PIK3C2A: variants seen among roughly 807,000 people sequenced by gnomAD.
The protein encoded by PIK3C2A is phosphatidylinositol 4-phosphate 3-kinase C2 domain-containing subunit alpha.
Under a neutral mutation model 204.5 loss-of-function variants are expected in PIK3C2A, and 97 were observed. The ratio of observed to expected loss-of-function variants is 0.47; its 90% confidence interval spans 0.40 to 0.56. The LOEUF (loss-of-function observed/expected upper bound fraction) is 0.56. Among genes scored for constraint, PIK3C2A ranks in the 20% least tolerant of loss-of-function variants. The pLI is 0.00. For synonymous variants in PIK3C2A, 653 were observed against 664.4 expected (o/e 0.98, Z 0.26); for missense variants, 1,735 against 1,969.2 (o/e 0.88, Z 2.25).
intron 5 of PIK3C2A, chr11:17,148,372 T>G: frequency 3.6e-6 from 1 of 280,362 alleles, no homozygotes; most frequent in Non-Finnish European, 6.8e-6. Flanking sequence ...ATTGACTCTT[T>G]ACAGTAAGAA....
At chr11:17,170,871 A>T (rs974763970) in intron 1 of PIK3C2A, among the ~76,000 whole-genome samples, 1 of 152,150 alleles carries the variant, frequency 6.6e-6, no homozygotes, top group Admixed American at 6.5e-5. Flanking sequence ...TGGGAGGCCG[A>T]GGTGGGCAGA....
chr11:17,105,399 TTTAAGTTCTGGGATACACG>T, intron 22 of PIK3C2A, 94 bp from the exon 23 acceptor site: 2 of 1,102,030 alleles, frequency 1.8e-6, no homozygotes, highest in East Asian at 5.3e-5. Context: ...TAAATTTCAC[TTTAAGTTCTGGGATACACG>T]TGCAGAATGT....
intron 2 of PIK3C2A, among the ~76,000 whole-genome samples, chr11:17,162,164 C>G (rs1850795076): frequency 6.6e-6 from 1 of 151,822 alleles, no homozygotes; most frequent in Non-Finnish European, 1.5e-5. Flanking sequence ...TGGTGAAACC[C>G]CATCTCTACT....
chr11:17,140,280 A>G (rs2137407012), intron 8 of PIK3C2A, among the ~76,000 whole-genome samples: 1 of 152,220 alleles, frequency 6.6e-6, no homozygotes, highest in South Asian at 2.1e-4. Context: ...CAACAATAAA[A>G]AAAACTTCAG....
intron 19 of PIK3C2A, among the ~76,000 whole-genome samples, chr11:17,116,558 A>AAC (rs1565251887): frequency 6.6e-6 from 1 of 152,160 alleles, no homozygotes; most frequent in Non-Finnish European, 1.5e-5. Flanking sequence ...CAGTTGTTTA[A>AAC]ACACAAATTT....
At chr11:17,156,749 T>C (rs1850606160) in intron 2 of PIK3C2A, among the ~76,000 whole-genome samples, 1 of 152,188 alleles carries the variant, frequency 6.6e-6, no homozygotes, top group Admixed American at 6.5e-5. Flanking sequence ...GAATGTGATA[T>C]ACACATTTGG....
intron 1 of PIK3C2A, among the ~76,000 whole-genome samples, chr11:17,172,901 G>A (rs946933105): frequency 2.6e-5 from 4 of 152,270 alleles, no homozygotes; most frequent in Non-Finnish European, 5.9e-5. Context: ...TGAAGGGGGG[G>A]AAATCTTAAC....
chr11:17,100,555 GGTACAA>G (rs915545949), intron 25 of PIK3C2A, among the ~76,000 whole-genome samples: 93 of 152,012 alleles, frequency 6.1e-4, no homozygotes, highest in African/African-American at 2.2e-3. Context: ...AGATTTAGGG[GGTACAA>G]GTACAATTTT....
rs1472144699 is a variant in PIK3C2A, at chr11:17,194,039, A to G, written c.-66+13809T>C. The stretch of plus-strand genomic sequence containing the variant: ...AAGAAGATGCAGGCTTTGGCAGGCC[A>G]TCAGTCCACGTGGTGAGGCTATGAA... On this transcript the variant is annotated intron_variant, in intron 1 of 32. Transcript: ENST00000691414. 4 of 383,958 alleles carry G rather than the reference A, an allele frequency of 1.0e-5. No homozygotes were observed. In the East Asian group the frequency reaches 1.8e-4, roughly 17 times the overall value. 23.8% of individuals were successfully genotyped at this position (383,958 alleles called of 1,614,324 possible). A position where few individuals can be genotyped will look rare whatever the true frequency, so the allele number is the denominator to read the frequency against.
chr11:17,168,473 C>T (rs1228945826), intron 2 of PIK3C2A, among the ~76,000 whole-genome samples: 2 of 151,798 alleles, frequency 1.3e-5, no homozygotes, highest in Non-Finnish European at 2.9e-5. Context: ...CCCAGCCACT[C>T]GGGAGGCTGA....
Position 17,129,160 on chromosome 11 carries a change from ACCT to A in PIK3C2A, c.2399+137_2399+139del, listed in dbSNP as rs554654110. On this transcript the variant is annotated intron_variant, in intron 13 of 32. Coordinates refer to ENST00000691414, the MANE Select transcript of PIK3C2A (RefSeq NM_002645.4). ...TCCTCTAATCTGTGTCTCTGAACTG[ACCT>A]CCTTTTATCACATTAGAAAAACTGA... The A allele has an allele frequency of 1.3e-5, 8 of 636,028 alleles. No individual in the cohort carries two copies. In the East Asian group the frequency reaches 2.2e-4, roughly 17 times the overall value. The allele number at this position is 636,028 out of a possible 1,614,324, so 39.4% of individuals were successfully genotyped here. A position where few individuals can be genotyped will look rare whatever the true frequency, so the allele number is the denominator to read the frequency against.
At chr11:17,102,961 CTG>C in intron 23 of PIK3C2A, 130 bp from the exon 24 acceptor site, 1 of 594,108 alleles carries the variant, frequency 1.7e-6, no homozygotes, top group Non-Finnish European at 2.8e-6. Flanking sequence ...AGCATACAAA[CTG>C]GGATATAGTA....
At chr11:17,178,092 C>CAAAAAA (rs750346823) in intron 1 of PIK3C2A, among the ~76,000 whole-genome samples, 20 of 64,074 alleles carry the variant, frequency 3.1e-4, no homozygotes, top group Admixed American at 7.8e-4. Context: ...GACTCCATCT[C>CAAAAAA]AAAAAAAAAA....
rs1235708347 is a variant in PIK3C2A at position 17,182,936 on chromosome 11, C to T, written c.-65-13130G>A. The stretch of plus-strand genomic sequence containing the variant: ...TTCACTGCAGCCTCGACCTCCCAGG[C>T]TCAGGTAATCCTCCCACCTCAGTCT... On this transcript the variant is annotated intron_variant, in intron 1 of 32. Coordinates refer to ENST00000691414, the MANE Select transcript of PIK3C2A (RefSeq NM_002645.4). Among the ~76,000 whole-genome samples the T allele has an allele frequency of 5.3e-5, 8 of 152,266 alleles. No homozygotes were observed. The East Asian group carries it at 1.5e-3, about 29-fold the overall frequency.
intron 8 of PIK3C2A, among the ~76,000 whole-genome samples, chr11:17,143,832 G>A (rs948426497): frequency 6.6e-6 from 1 of 152,020 alleles, no homozygotes; most frequent in Non-Finnish European, 1.5e-5. Flanking sequence ...AGCTACTAGG[G>A]AGGCTGAGGT....
At chr11:17,147,779 A>G in intron 5 of PIK3C2A, 151 bp from the exon 6 acceptor site, 1 of 580,540 alleles carries the variant, frequency 1.7e-6, no homozygotes, top group Non-Finnish European at 3.0e-6. Flanking sequence ...AAACAGAGAA[A>G]TTATTCTGTA....
chr11:17,166,609 T>C, intron 2 of PIK3C2A, among the ~76,000 whole-genome samples: 1 of 152,374 alleles, frequency 6.6e-6, no homozygotes, highest in South Asian at 2.1e-4. Flanking sequence ...ATGCATTCAT[T>C]GTGGGGCTCT....
At chr11:17,128,269 G>A (rs1849586472) in intron 13 of PIK3C2A, among the ~76,000 whole-genome samples, 1 of 142,034 alleles carries the variant, frequency 7.0e-6, no homozygotes, top group South Asian at 2.2e-4. Flanking sequence ...GAACTTTAGA[G>A]ATGCTTTTTT....
In PIK3C2A at chr11:17,114,376, T is replaced by G. The variant is rs1849107786; in HGVS notation, c.3306A>C (p.Lys1102Asn). 2 of 1,515,550 alleles carry G rather than the reference T, an allele frequency of 1.3e-6. No individual in the cohort carries two copies. The highest frequency in any genetic ancestry group is 2.7e-5 in the African/African-American group (2 of 72,962). The allele number at this position is 1,515,550 out of a possible 1,614,324, so 93.9% of individuals were successfully genotyped here. A position where few individuals can be genotyped will look rare whatever the true frequency, so the allele number is the denominator to read the frequency against. ...TATGTGTCACCTTAATATTTAATTC[T>G]TTTGCCACTAGACTTGGCTTGAGAG... The part of the protein sequence containing the change: ...RLPLKPSLVA[K>N]ELNIKSCSFF... Residue 1102 changes from lysine to asparagine, a missense_variant, in exon 20 of 33, where the codon AAA becomes AAC. Lys to Asn is a moderately conservative substitution (Grantham distance 94). Coordinates refer to ENST00000691414, the MANE Select transcript of PIK3C2A (RefSeq NM_002645.4).
Sources: allele counts gnomAD v4.1 joint callset (sites outside exome capture counted in the v4.1 genomes callset), GRCh38; gene constraint gnomAD v4.1.1; transcripts MANE v1.5; gene names NCBI Gene and HGNC (gene_info 2026-07-23, HGNC 2026-07-21).